The following GMDS variants were observed in gnomAD, a reference collection of about 807,000 sequenced individuals.
The protein encoded by GMDS is GDP-mannose 4,6-dehydratase.
Under a neutral mutation model 49.9 loss-of-function variants are expected in GMDS, and 20 were observed. The observed-to-expected ratio is 0.40, with a 90% confidence interval of 0.28 to 0.58. The LOEUF (loss-of-function observed/expected upper bound fraction) is 0.58. Ranked by LOEUF, GMDS falls within the 20% of genes least tolerant of loss-of-function variation. GMDS has a pLI of 0.42. For synonymous variants in GMDS, 177 were observed against 178.6 expected, an observed-to-expected ratio of 0.99 and a Z score of 0.07; for missense variants, 362 against 481.4, an observed-to-expected ratio of 0.75 and a Z score of 2.32.
At chr6:2,160,910 CTAAATA>C (rs1212067563) in intron 1 of GMDS, among the ~76,000 whole-genome samples, 1 of 152,216 alleles carries the variant, frequency 6.6e-6, no homozygotes, top group Non-Finnish European at 1.5e-5. Context: ...TACCACTTCT[CTAAATA>C]TATTTTCTTT....
At position 1,666,227 on chromosome 6, in the gene GMDS, G is replaced by C. The variant is rs558200519; in HGVS notation, c.988-41687C>G. 3.3e-5 allele frequency among the ~76,000 whole-genome samples: 5 copies of C among 152,324 alleles called. No individual in the cohort carries two copies. In the East Asian group the frequency reaches 9.6e-4, roughly 29 times the overall value. On this transcript the variant is annotated intron_variant, in intron 9 of 10. Transcript: ENST00000380815. ...TCGCTCTGAGATCCTAGAGACGGGAGTCCTGCTCTGCCCAGCATCCTCTCC... is the reference window on the plus strand; with the variant it reads ...TCGCTCTGAGATCCTAGAGACGGGACTCCTGCTCTGCCCAGCATCCTCTCC...
At chr6:1,938,254 AC>A (rs1192634388) in intron 6 of GMDS, among the ~76,000 whole-genome samples, 4 of 152,188 alleles carry the variant, frequency 2.6e-5, no homozygotes, top group Middle Eastern at 3.2e-3. Flanking sequence ...AGGGGAATAT[AC>A]ATCTTCTTAT....
intron 7 of GMDS, among the ~76,000 whole-genome samples, chr6:1,828,866 C>A (rs1240992632): frequency 6.6e-6 from 1 of 152,158 alleles, no homozygotes; most frequent in East Asian, 1.9e-4. Flanking sequence ...AACCCCTGCA[C>A]TGTAAAAAAA....
intron 4 of GMDS, among the ~76,000 whole-genome samples, chr6:1,995,498 A>G (rs1046987226): frequency 7.8e-6 from 1 of 128,474 alleles, no homozygotes; most frequent in Non-Finnish European, 1.7e-5. Flanking sequence ...GTTGTCTCAG[A>G]GAGAACATCA....
At chr6:2,196,827 A>G (rs781507510) in intron 1 of GMDS, among the ~76,000 whole-genome samples, 2 of 152,016 alleles carry the variant, frequency 1.3e-5, no homozygotes, top group African/African-American at 2.4e-5. Context: ...GGTGATCAAG[A>G]TTTTTATCAA....
At chr6:2,130,620 C>T (rs1006812179) in intron 1 of GMDS, among the ~76,000 whole-genome samples, 2 of 152,152 alleles carry the variant, frequency 1.3e-5, no homozygotes, top group African/African-American at 4.8e-5. Context: ...AACCAAGTAT[C>T]AGCATTTCAG....
At chr6:2,037,554 A>C (rs1159155713) in intron 4 of GMDS, among the ~76,000 whole-genome samples, 1 of 152,212 alleles carries the variant, frequency 6.6e-6, no homozygotes, top group Non-Finnish European at 1.5e-5. Flanking sequence ...CGAGAAGTAC[A>C]ATCCTATCTT....
At chr6:2,069,408 T>C (rs1185523059) in intron 4 of GMDS, among the ~76,000 whole-genome samples, 1 of 151,976 alleles carries the variant, frequency 6.6e-6, no homozygotes, top group East Asian at 1.9e-4. Context: ...AAAGCCAAAA[T>C]TGACAAATGG....
Position 2,191,473 on chromosome 6 carries a change from A to G in GMDS, c.102+53848T>C, listed in dbSNP as rs1421061538. Among the ~76,000 whole-genome samples the G allele has an allele frequency of 2.0e-5, 3 of 152,160 alleles. No homozygotes were observed. Among genetic ancestry groups the G allele is most frequent in the Non-Finnish European group, 2.9e-5 (2 of 68,012 alleles). ...CTCCCAGACACATCTGCAGCCGCCC[A>G]GGTGGGGCTGTGGACCCGGGCCTCT... On this transcript the variant is annotated intron_variant, in intron 1 of 10. Transcript: ENST00000380815. The surrounding 1 kb of genome is among the most constrained non-coding windows in gnomAD (Gnocchi z 4.6).
intron 9 of GMDS, among the ~76,000 whole-genome samples, chr6:1,647,515 T>C (rs1301675740): frequency 6.6e-6 from 1 of 152,234 alleles, no homozygotes; most frequent in Non-Finnish European, 1.5e-5. Context: ...GGTCACTCTC[T>C]CAAGAGATAT....
At chr6:1,913,144 G>C (rs370238003) in intron 7 of GMDS, among the ~76,000 whole-genome samples, 1 of 152,058 alleles carries the variant, frequency 6.6e-6, no homozygotes, top group Non-Finnish European at 1.5e-5. Context: ...CACTTTGGGA[G>C]GCCGAGGCGG....
Position 2,159,514 on chromosome 6 carries a change from C to CTTTTTTTTTT in GMDS, c.103-34793_103-34784dup, listed in dbSNP as rs1157303919. ...TAATTTTTTCAATATTTCTTTTTTT[C>CTTTTTTTTTT]TTTTTTTTTTTTTTTTTTTTTTGAG... is the stretch of plus-strand genomic sequence containing the variant. On this transcript the variant is annotated intron_variant, in intron 1 of 10. Coordinates refer to ENST00000380815, the MANE Select transcript of GMDS (RefSeq NM_001500.4). Among the ~76,000 whole-genome samples, 72 of 108,180 alleles carry CTTTTTTTTTT rather than the reference C, an allele frequency of 6.7e-4. 1 individual carries two copies. Among genetic ancestry groups the CTTTTTTTTTT allele is most frequent in the Non-Finnish European group, 8.6e-4 (45 of 52,162 alleles). 71.0% of individuals were successfully genotyped at this position (108,180 alleles called of 152,430 possible). A position where few individuals can be genotyped will look rare whatever the true frequency, so the allele number is the denominator to read the frequency against.
chr6:1,639,851 C>T (rs1763272746), intron 9 of GMDS, among the ~76,000 whole-genome samples: 1 of 152,174 alleles, frequency 6.6e-6, no homozygotes, highest in African/African-American at 2.4e-5. Flanking sequence ...GCACTCCAGC[C>T]TGGGTGATAG....
intron 7 of GMDS, among the ~76,000 whole-genome samples, chr6:1,831,054 C>T (rs1182541035): frequency 1.3e-5 from 2 of 152,204 alleles, no homozygotes; most frequent in African/African-American, 4.8e-5. Flanking sequence ...GTTCAATATT[C>T]CCAAATCAGA....
intron 9 of GMDS, among the ~76,000 whole-genome samples, chr6:1,722,104 A>T (rs1444061440): frequency 1.6e-5 from 2 of 122,272 alleles, no homozygotes; most frequent in Non-Finnish European, 1.6e-5. Flanking sequence ...TCTTGCTTTG[A>T]CGCCCAGGCT....
intron 8 of GMDS, among the ~76,000 whole-genome samples, chr6:1,740,004 A>G (rs536885481): frequency 2.2e-4 from 34 of 152,350 alleles, no homozygotes; most frequent in African/African-American, 6.7e-4. Context: ...ATCCTTCGCA[A>G]CTTTTGGAGC....
rs1554144059 is a variant in GMDS, at chr6:1,999,996, TTA to T, written c.346-39032_346-39031del. On this transcript the variant is annotated intron_variant, in intron 4 of 10. Coordinates refer to ENST00000380815, the MANE Select transcript of GMDS (RefSeq NM_001500.4). The stretch of plus-strand genomic sequence containing the variant: ...TATATATATATTTTATATATATATA[TTA>T]TATATATATATTTTTTATATATATA... Among the ~76,000 whole-genome samples the T allele has an allele frequency of 2.2e-3, 23 of 10,420 alleles. 1 individual carries two copies. Among genetic ancestry groups the T allele is most frequent in the Non-Finnish European group, 4.7e-3 (21 of 4,460 alleles). 6.8% of individuals were successfully genotyped at this position (10,420 alleles called of 152,430 possible).
intron 4 of GMDS, among the ~76,000 whole-genome samples, chr6:1,965,613 C>T (rs1156344035): frequency 2.0e-5 from 3 of 152,040 alleles, no homozygotes; most frequent in Non-Finnish European, 2.9e-5. Flanking sequence ...AGTTGAGCCC[C>T]AGAGAGCAAG....
At position 2,103,052 on chromosome 6, in the gene GMDS, C is replaced by T. The variant is rs578178614; in HGVS notation, c.345+12719G>A. ...TTTCTACTGATATGACAGAGTATAA[C>T]CAATTAATCATTAATAAGTAACAAG... On this transcript the variant is annotated intron_variant, in intron 4 of 10. Transcript: ENST00000380815. Among the ~76,000 whole-genome samples, 15 of 152,206 alleles carry T rather than the reference C, an allele frequency of 9.9e-5. No individual in the cohort carries two copies. The South Asian group carries it at 1.2e-3, about 13-fold the overall frequency.
Sources: gnomAD v4.1 joint callset for allele counts (sites outside exome capture counted in the v4.1 genomes callset) on GRCh38, gnomAD v4.1.1 for gene constraint, Gnocchi (gnomAD v3.1) non-coding constraint, MANE v1.5 for transcripts, NCBI Gene and HGNC (gene_info 2026-07-23, HGNC 2026-07-21) for gene names.